DENND5B: variants seen among roughly 807,000 people sequenced by gnomAD.
DENND5B encodes DENN domain-containing protein 5B.
Under a neutral mutation model 140.6 loss-of-function variants are expected in DENND5B, and 34 were observed. The observed-to-expected ratio is 0.24, with a 90% CI of 0.18 to 0.32. The LOEUF is 0.32. Ranked by LOEUF, DENND5B falls within the 10% of genes least tolerant of loss-of-function variation. DENND5B has a pLI of 1.00. For synonymous variants in DENND5B, 551 were observed against 562.1 expected (o/e 0.98, Z 0.28); for missense variants, 1,142 against 1,560.2 (o/e 0.73, Z 4.52).
chr12:31,402,936 C>A (rs545772038), intron 14 of DENND5B, among the ~76,000 whole-genome samples: 3 of 151,974 alleles, frequency 2.0e-5, no homozygotes, highest in East Asian at 3.9e-4. Flanking sequence ...AGCATTAGCA[C>A]GAGAATACCT....
At chr12:31,532,643 G>A (rs118075352) in intron 1 of DENND5B, among the ~76,000 whole-genome samples, 7 of 152,208 alleles carry the variant, frequency 4.6e-5, no homozygotes, top group Non-Finnish European at 7.4e-5. Context: ...ACCTATACAG[G>A]AGATAAAATT....
At chr12:31,487,841 C>G (rs1282798448) in intron 2 of DENND5B, among the ~76,000 whole-genome samples, 1 of 152,154 alleles carries the variant, frequency 6.6e-6, no homozygotes, top group Admixed American at 6.5e-5. Context: ...TTGTTTAGCA[C>G]AGTGCATGGC....
chr12:31,576,824 G>C (rs1432751521), intron 1 of DENND5B, among the ~76,000 whole-genome samples: 2 of 151,624 alleles, frequency 1.3e-5, no homozygotes, highest in South Asian at 4.2e-4. Context: ...CCAGGAGTTT[G>C]GGAGATCAAG....
Position 31,389,505 on chromosome 12 carries a change from A to G in DENND5B, c.3467-7T>C. On this transcript the variant is annotated splice_region_variant and splice_polypyrimidine_tract_variant and intron_variant, in intron 19 of 20. Coordinates refer to ENST00000389082, the MANE Select transcript of DENND5B (RefSeq NM_144973.4). ...AAATAAGCAACCACTTTCTCTGAGG[A>G]AAAAAGTCAGAATTATGTCACAATA... The G allele has an allele frequency of 6.4e-7, 1 of 1,569,974 alleles. No homozygotes were observed. Among genetic ancestry groups the G allele is most frequent in the Admixed American group, 1.9e-5 (1 of 52,784 alleles).
At chr12:31,548,567 T>G (rs568813083) in intron 1 of DENND5B, among the ~76,000 whole-genome samples, 1 of 152,304 alleles carries the variant, frequency 6.6e-6, no homozygotes, top group African/African-American at 2.4e-5. Context: ...CAAATAAATG[T>G]TTAGATCATA....
chr12:31,570,583 C>A (rs1177449762), intron 1 of DENND5B, among the ~76,000 whole-genome samples: 2 of 143,100 alleles, frequency 1.4e-5, no homozygotes, highest in Admixed American at 6.9e-5. Flanking sequence ...AGCCAAAATT[C>A]TCTTTAAAAA....
chr12:31,585,995 G>A (rs2139515712), intron 1 of DENND5B, among the ~76,000 whole-genome samples: 1 of 152,290 alleles, frequency 6.6e-6, no homozygotes, highest in African/African-American at 2.4e-5. Context: ...TAAACACTGT[G>A]TACTGTATAT....
At chr12:31,565,121 G>A (rs1407127800) in intron 1 of DENND5B, among the ~76,000 whole-genome samples, 1 of 152,018 alleles carries the variant, frequency 6.6e-6, no homozygotes, top group Non-Finnish European at 1.5e-5. Context: ...TCTATTAAGG[G>A]ATTAGCTGGG....
chr12:31,432,092 G>A, intron 8 of DENND5B: 2 of 985,150 alleles, frequency 2.0e-6, no homozygotes, highest in Non-Finnish European at 2.4e-6. Flanking sequence ...AGGAGGAGGT[G>A]GACCCTGGTC....
At chr12:31,589,146 G>C (rs1184789697) in intron 1 of DENND5B, among the ~76,000 whole-genome samples, 2 of 152,148 alleles carry the variant, frequency 1.3e-5, no homozygotes, top group African/African-American at 4.8e-5. Context: ...CTGACAGAAG[G>C]CCTCCAAGTG....
At chr12:31,529,175 A>AG (rs1319726471) in intron 1 of DENND5B, among the ~76,000 whole-genome samples, 4 of 151,496 alleles carry the variant, frequency 2.6e-5, no homozygotes, top group Non-Finnish European at 5.9e-5. Context: ...AAAAAAAAAA[A>AG]AAAGAAAAGA....
chr12:31,487,724 C>T (rs889248918), intron 2 of DENND5B, among the ~76,000 whole-genome samples: 10 of 151,996 alleles, frequency 6.6e-5, no homozygotes, highest in African/African-American at 1.2e-4. Context: ...ACAAAAACAA[C>T]AAAAAACCCT....
At position 31,383,964 on chromosome 12, in the gene DENND5B, AAAAC is replaced by A. The variant is rs555203033; in HGVS notation, c.*3635_*3638del. 4.2e-3 allele frequency: 636 copies of A among 152,326 alleles called. 5 individuals carry two copies. The highest frequency in any genetic ancestry group is 0.014 in the African/African-American group (579 of 41,574). 9.4% of individuals were successfully genotyped at this position (152,326 alleles called of 1,614,324 possible). A position where few individuals can be genotyped will look rare whatever the true frequency, so the allele number is the denominator to read the frequency against. ...CAGCATTTAATTTATTTGCAGGAAA[AAAAC>A]AAATTAAATATTGATTTTTTTATTT... is the stretch of plus-strand genomic sequence containing the variant. On this transcript the variant is annotated 3_prime_UTR_variant, in exon 21 of 21. Transcript: ENST00000389082.
chr12:31,451,889 C>G (rs551624112), intron 5 of DENND5B, 51 bp downstream of exon 5: 4 of 1,576,570 alleles, frequency 2.5e-6, no homozygotes, highest in Admixed American at 3.8e-5. Flanking sequence ...ATGTTAAAAT[C>G]AATAATAAAG....
chr12:31,569,786 T>C (rs1195557025), intron 1 of DENND5B, among the ~76,000 whole-genome samples: 1 of 151,972 alleles, frequency 6.6e-6, no homozygotes, highest in Non-Finnish European at 1.5e-5. Flanking sequence ...CATTCCAGCC[T>C]GGGCAACAGA....
At chr12:31,558,537 C>T (rs1231363205) in intron 1 of DENND5B, among the ~76,000 whole-genome samples, 2 of 152,196 alleles carry the variant, frequency 1.3e-5, no homozygotes, top group African/African-American at 4.8e-5. Context: ...AGTTTGTACC[C>T]AGGTATCACA....
Position 31,494,221 on chromosome 12 carries a change from T to TCTAC in DENND5B, c.237+1585_237+1588dup, listed in dbSNP as rs1555162966. 2.9e-3 allele frequency among the ~76,000 whole-genome samples: 311 copies of TCTAC among 106,564 alleles called. 7 individuals carry two copies. The highest frequency in any genetic ancestry group is 4.4e-3 in the Non-Finnish European group (220 of 49,498). 69.9% of individuals were successfully genotyped at this position (106,564 alleles called of 152,430 possible). A position where few individuals can be genotyped will look rare whatever the true frequency, so the allele number is the denominator to read the frequency against. On this transcript the variant is annotated intron_variant, in intron 2 of 20. Transcript: ENST00000389082. ...CCATCCACCTACCTACCTACCTACC[T>TCTAC]CTACCTACCTACCTACCTACCTACC...
intron 14 of DENND5B, among the ~76,000 whole-genome samples, chr12:31,405,858 T>A (rs1275184968): frequency 6.7e-6 from 1 of 149,748 alleles, no homozygotes; most frequent in Admixed American, 6.7e-5. Flanking sequence ...TATTTATTTA[T>A]TTTTTGAGAA....
At chr12:31,568,679 T>C (rs1052424962) in intron 1 of DENND5B, among the ~76,000 whole-genome samples, 1 of 152,170 alleles carries the variant, frequency 6.6e-6, no homozygotes, top group Non-Finnish European at 1.5e-5. Context: ...CAACAGTGCA[T>C]AAAGGTTGCG....
Sources: allele counts gnomAD v4.1 joint callset (sites outside exome capture counted in the v4.1 genomes callset), GRCh38; gene constraint gnomAD v4.1.1; transcripts MANE v1.5; gene names NCBI Gene and HGNC (gene_info 2026-07-23, HGNC 2026-07-21).